The following NXPH1 variants were observed in gnomAD, a reference collection of about 807,000 sequenced individuals.
The protein encoded by NXPH1 is neurexophilin 1, also known as neurexophilin-1.
NXPH1 carries 5 observed loss-of-function variants against 23.7 expected under a neutral mutation model. The ratio of observed to expected loss-of-function variants is 0.21; its 90% CI spans 0.11 to 0.44. The LOEUF is 0.44. NXPH1 is among the 20% of genes least tolerant of loss of function. The probability of loss-of-function intolerance (pLI) is 0.99; values close to 1 mark genes in which losing one functional copy is unlikely to be tolerated. For synonymous variants in NXPH1, 144 were observed against 122.2 expected (o/e 1.18, Z -1.18); for missense variants, 324 against 321.6 (o/e 1.01, Z -0.06).
At chr7:8,446,477 C>A (rs887423299) in intron 2 of NXPH1, among the ~76,000 whole-genome samples, 10 of 152,090 alleles carry the variant, frequency 6.6e-5, no homozygotes, top group Non-Finnish European at 1.2e-4. Context: ...AAATAATCAA[C>A]AATATATGAG....
intron 2 of NXPH1, among the ~76,000 whole-genome samples, chr7:8,690,124 C>T (rs560913491): frequency 6.6e-6 from 1 of 152,170 alleles, no homozygotes; most frequent in East Asian, 1.9e-4. Context: ...TAGACTCATA[C>T]CCCTGTGGCA....
chr7:8,715,967 A>T (rs1484924132), intron 2 of NXPH1, among the ~76,000 whole-genome samples: 1 of 152,158 alleles, frequency 6.6e-6, no homozygotes. Context: ...GCAGTTGTCA[A>T]TGCATATATA....
intron 2 of NXPH1, among the ~76,000 whole-genome samples, chr7:8,500,988 T>C (rs145526443): frequency 1.3e-5 from 2 of 152,186 alleles, no homozygotes; most frequent in Non-Finnish European, 2.9e-5. Flanking sequence ...GTAAATAGCA[T>C]GGAAGAGGTC....
chr7:8,691,789 T>A (rs915354145), intron 2 of NXPH1, among the ~76,000 whole-genome samples: 1 of 152,100 alleles, frequency 6.6e-6, no homozygotes, highest in Non-Finnish European at 1.5e-5. Context: ...GAGTTTAAAT[T>A]TTAAATAGGG....
Position 8,556,099 on chromosome 7 carries a change from T to C in NXPH1, c.54+120332T>C, listed in dbSNP as rs549283272. On this transcript the variant is annotated intron_variant, in intron 2 of 2. Coordinates refer to ENST00000405863, the MANE Select transcript of NXPH1 (RefSeq NM_152745.3). ...CCCTCCATCCAGGATAGGCCAGTGATTGGCAAACAGCAGGCACTTAGCCCA... is the reference window on the plus strand; with the variant it reads ...CCCTCCATCCAGGATAGGCCAGTGACTGGCAAACAGCAGGCACTTAGCCCA... Among the ~76,000 whole-genome samples, 196 of 151,780 alleles carry C rather than the reference T, an allele frequency of 1.3e-3. 1 individual carries two copies. Among genetic ancestry groups the C allele is most frequent in the Non-Finnish European group, 2.3e-3 (153 of 67,724 alleles).
intron 2 of NXPH1, among the ~76,000 whole-genome samples, chr7:8,585,419 T>C (rs972064328): frequency 5.3e-5 from 8 of 152,152 alleles, no homozygotes; most frequent in Non-Finnish European, 1.2e-4. Context: ...ATAACGTAAT[T>C]CTTAGAGAGT....
chr7:8,719,275 C>T (rs1473393982), intron 2 of NXPH1, among the ~76,000 whole-genome samples: 2 of 152,112 alleles, frequency 1.3e-5, no homozygotes, highest in Non-Finnish European at 2.9e-5. Context: ...GCCTACTTGG[C>T]CTAGTTACAG....
intron 2 of NXPH1, among the ~76,000 whole-genome samples, chr7:8,747,982 A>G (rs1459681475): frequency 1.3e-5 from 2 of 152,204 alleles, no homozygotes; most frequent in African/African-American, 4.8e-5. Context: ...TGCTAAGGAT[A>G]ATCCTTTTGA....
At chr7:8,703,127 C>G (rs1253532839) in intron 2 of NXPH1, among the ~76,000 whole-genome samples, 1 of 152,096 alleles carries the variant, frequency 6.6e-6, no homozygotes, top group African/African-American at 2.4e-5. Flanking sequence ...GGAAACTTAT[C>G]TTGGCCTTCC....
At chr7:8,578,409 A>G (rs1424873166) in intron 2 of NXPH1, among the ~76,000 whole-genome samples, 1 of 152,216 alleles carries the variant, frequency 6.6e-6, no homozygotes, top group Non-Finnish European at 1.5e-5. Flanking sequence ...CCAAACAATA[A>G]TAAAGTTCAA....
intron 2 of NXPH1, among the ~76,000 whole-genome samples, chr7:8,653,599 G>A (rs778545619): frequency 6.6e-6 from 1 of 152,086 alleles, no homozygotes; most frequent in Non-Finnish European, 1.5e-5. Flanking sequence ...TATGGTAATG[G>A]CAGGATTTTC....
intron 2 of NXPH1, among the ~76,000 whole-genome samples, chr7:8,634,209 G>A (rs10259895): frequency 0.28 from 41,899 of 151,926 alleles, 6,245 homozygotes; most frequent in African/African-American, 0.35. Context: ...ATTGAATCAT[G>A]GGGGCGGGTT....
chr7:8,488,747 G>GGGCA (rs1360303423), intron 2 of NXPH1, among the ~76,000 whole-genome samples: 3 of 152,070 alleles, frequency 2.0e-5, no homozygotes, highest in Non-Finnish European at 2.9e-5. Flanking sequence ...TCTGTAAAAT[G>GGGCA]GGCACAATGG....
Position 8,434,214 on chromosome 7 carries a change from T to G in NXPH1, c.-652T>G, listed in dbSNP as rs2128603137. On this transcript the variant is annotated 5_prime_UTR_variant, in exon 1 of 3. Coordinates refer to ENST00000405863, the MANE Select transcript of NXPH1 (RefSeq NM_152745.3). This position sits in a 1 kb window ranked among gnomAD's most constrained non-coding sequence, Gnocchi z 7.6. ...CCTCCCTCAGAAACTCGGACTGCTCTCGTCTGCCGTGTGGTTCTCTTTTCT... is the reference window on the plus strand; with the variant it reads ...CCTCCCTCAGAAACTCGGACTGCTCGCGTCTGCCGTGTGGTTCTCTTTTCT... 1 of 153,178 alleles carries G rather than the reference T, an allele frequency of 6.5e-6. No individual in the cohort carries two copies. Among genetic ancestry groups the G allele is most frequent in the African/African-American group, 2.4e-5 (1 of 41,522 alleles). The allele number at this position is 153,178 out of a possible 1,614,324, so 9.5% of individuals were successfully genotyped here.
chr7:8,594,771 A>C (rs1437844636), intron 2 of NXPH1, among the ~76,000 whole-genome samples: 1 of 152,042 alleles, frequency 6.6e-6, no homozygotes. Flanking sequence ...ACTTAATAGA[A>C]ACCTGGTGTC....
chr7:8,576,134 T>G (rs528894684), intron 2 of NXPH1, among the ~76,000 whole-genome samples: 1 of 152,306 alleles, frequency 6.6e-6, no homozygotes, highest in Admixed American at 6.5e-5. Context: ...TTTATTTGCT[T>G]TCTTTTTCTT....
At chr7:8,617,226 G>GT (rs1374228317) in intron 2 of NXPH1, among the ~76,000 whole-genome samples, 2 of 151,976 alleles carry the variant, frequency 1.3e-5, no homozygotes, top group African/African-American at 4.8e-5. Flanking sequence ...TGTTTTAGAG[G>GT]TAAACTCAAG....
chr7:8,647,245 G>A (rs1186435231), intron 2 of NXPH1, among the ~76,000 whole-genome samples: 1 of 152,152 alleles, frequency 6.6e-6, no homozygotes, highest in African/African-American at 2.4e-5. Flanking sequence ...GTCTCCACTG[G>A]CCACCCAGAG....
At chr7:8,481,702 G>T (rs143888976) in intron 2 of NXPH1, among the ~76,000 whole-genome samples, 24 of 152,202 alleles carry the variant, frequency 1.6e-4, no homozygotes, top group African/African-American at 5.3e-4. Context: ...TTTAGATTCA[G>T]TGGGTGCATA....
Sources: allele counts gnomAD v4.1 joint callset (sites outside exome capture counted in the v4.1 genomes callset), GRCh38; gene constraint gnomAD v4.1.1; non-coding constraint Gnocchi (gnomAD v3.1); transcripts MANE v1.5; gene names NCBI Gene and HGNC (gene_info 2026-07-23, HGNC 2026-07-21).